XKR6: variants seen among roughly 807,000 people sequenced by gnomAD.
The protein encoded by XKR6 is XK related 6.
In XKR6, 22 loss-of-function variants were observed where a neutral mutation model predicts 56.7. That is an observed-to-expected ratio of 0.39 (90% CI 0.28 to 0.55). XKR6 has a LOEUF of 0.55. Ranked by LOEUF, XKR6 falls within the 20% of genes least tolerant of loss-of-function variation. The pLI is 0.66. For synonymous variants in XKR6, 524 were observed against 387.8 expected, an observed-to-expected ratio of 1.35 and a Z score of -4.13; for missense variants, 852 against 889.0, an observed-to-expected ratio of 0.96 and a Z score of 0.53.
chr8:10,929,984 G>T (rs763490908), intron 1 of XKR6, among the ~76,000 whole-genome samples: 1 of 152,174 alleles, frequency 6.6e-6, no homozygotes, highest in African/African-American at 2.4e-5. Flanking sequence ...AGGGAGACAC[G>T]GTTGTCATCT....
At chr8:10,955,747 C>A (rs147140740) in intron 1 of XKR6, among the ~76,000 whole-genome samples, 326 of 152,314 alleles carry the variant, frequency 2.1e-3, no homozygotes, top group Non-Finnish European at 3.0e-3. Flanking sequence ...TGAGTCTCCC[C>A]TTTCTAGAGA....
At chr8:11,013,758 G>T (rs1459468400) in intron 1 of XKR6, among the ~76,000 whole-genome samples, 1 of 152,150 alleles carries the variant, frequency 6.6e-6, no homozygotes, top group African/African-American at 2.4e-5. Flanking sequence ...CCCATGTTTG[G>T]CAGAATGAAT....
chr8:11,194,047 A>C (rs1006439358), intron 1 of XKR6, among the ~76,000 whole-genome samples: 1 of 152,242 alleles, frequency 6.6e-6, no homozygotes, highest in Non-Finnish European at 1.5e-5. Flanking sequence ...GAATTTGTTT[A>C]ATAAGTCAAA....
Position 11,176,771 on chromosome 8 carries a change from C to G in XKR6, c.764+23805G>C, listed in dbSNP as rs117930875. ...TCTTCCTCAAAGAAAACCCCCACCC[C>G]GCAAAGCCACCAAATCCAAGCAGGA... On this transcript the variant is annotated intron_variant, in intron 1 of 2. Coordinates refer to ENST00000416569, the MANE Select transcript of XKR6 (RefSeq NM_173683.4). Among the ~76,000 whole-genome samples, 1,028 of 152,126 alleles carry G rather than the reference C, an allele frequency of 6.8e-3. 10 individuals are homozygous for G. Among genetic ancestry groups the G allele is most frequent in the Non-Finnish European group, 9.4e-3 (638 of 68,010 alleles).
chr8:11,018,539 G>A (rs930731838), intron 1 of XKR6, among the ~76,000 whole-genome samples: 4 of 152,180 alleles, frequency 2.6e-5, no homozygotes, highest in Non-Finnish European at 5.9e-5. Flanking sequence ...GAAGGCAAGA[G>A]CTGAAAACTA....
chr8:11,050,808 TG>T (rs1489496918), intron 1 of XKR6, among the ~76,000 whole-genome samples: 1 of 152,082 alleles, frequency 6.6e-6, no homozygotes, highest in Non-Finnish European at 1.5e-5. Flanking sequence ...CCAGAACCAT[TG>T]GCCCCATTCC....
intron 1 of XKR6, among the ~76,000 whole-genome samples, chr8:11,042,075 A>G (rs537037090): frequency 2.4e-4 from 36 of 152,220 alleles, no homozygotes; most frequent in Admixed American, 1.2e-3. Context: ...GCAAGTACAC[A>G]TGCACCTGTC....
intron 2 of XKR6, among the ~76,000 whole-genome samples, chr8:10,912,835 TAG>T (rs918126103): frequency 1.4e-5 from 2 of 146,426 alleles, no homozygotes; most frequent in African/African-American, 5.1e-5. Context: ...TATATATATA[TAG>T]AGAGAGAAAG....
At chr8:11,112,648 TCAAA>T (rs1345669056) in intron 1 of XKR6, among the ~76,000 whole-genome samples, 3 of 152,168 alleles carry the variant, frequency 2.0e-5, no homozygotes, top group Admixed American at 6.5e-5. Context: ...GGAGATATGG[TCAAA>T]CAAAGAACCA....
chr8:10,993,288 C>A (rs543982278), intron 1 of XKR6, among the ~76,000 whole-genome samples: 1 of 152,324 alleles, frequency 6.6e-6, no homozygotes, highest in Non-Finnish European at 1.5e-5. Context: ...CAGCACCTAC[C>A]ACTTGCAGCA....
intron 1 of XKR6, chr8:11,195,338 C>T (rs1430628745): frequency 6.8e-6 from 4 of 592,224 alleles, no homozygotes; most frequent in Non-Finnish European, 1.2e-5. Context: ...TTTTTTTTTC[C>T]AAATGGATAG....
At chr8:11,178,513 C>T (rs1434783442) in intron 1 of XKR6, among the ~76,000 whole-genome samples, 1 of 140,558 alleles carries the variant, frequency 7.1e-6, no homozygotes, top group Non-Finnish European at 1.5e-5. Flanking sequence ...TAAAACCACA[C>T]CAAATTTTTA....
intron 1 of XKR6, among the ~76,000 whole-genome samples, chr8:11,136,710 G>C (rs1800421684): frequency 6.6e-6 from 1 of 152,096 alleles, no homozygotes; most frequent in Non-Finnish European, 1.5e-5. Flanking sequence ...CAACCAGGAA[G>C]AGGTCTTCAC....
intron 1 of XKR6, among the ~76,000 whole-genome samples, chr8:10,996,925 C>T (rs1798126565): frequency 6.6e-6 from 1 of 152,094 alleles, no homozygotes; most frequent in African/African-American, 2.4e-5. Context: ...GCTATGATGG[C>T]TCCACTGCAC....
intron 1 of XKR6, among the ~76,000 whole-genome samples, chr8:11,110,375 G>A (rs1029209254): frequency 6.6e-6 from 1 of 152,162 alleles, no homozygotes; most frequent in Non-Finnish European, 1.5e-5. Context: ...GGGTATTGGG[G>A]TAGACTATTC....
intron 1 of XKR6, among the ~76,000 whole-genome samples, chr8:11,143,192 C>G (rs186401920): frequency 6.6e-6 from 1 of 151,846 alleles, no homozygotes; most frequent in East Asian, 1.9e-4. Flanking sequence ...AAAAAAGAAA[C>G]AAAGAAAGAA....
chr8:11,185,112 TGTGA>T (rs911577730), intron 1 of XKR6, among the ~76,000 whole-genome samples: 2 of 152,052 alleles, frequency 1.3e-5, no homozygotes, highest in Non-Finnish European at 2.9e-5. Flanking sequence ...TGGGTGCGGG[TGTGA>T]GTGTGAGTGT....
chr8:11,171,572 G>C (rs1272715588), intron 1 of XKR6, among the ~76,000 whole-genome samples: 1 of 152,136 alleles, frequency 6.6e-6, no homozygotes, highest in Non-Finnish European at 1.5e-5. Context: ...TTGTTAAAAG[G>C]AGCCTAGCCC....
chr8:10,927,460 T>G (rs1586315414), intron 1 of XKR6, among the ~76,000 whole-genome samples: 1 of 152,138 alleles, frequency 6.6e-6, no homozygotes, highest in South Asian at 2.1e-4. Flanking sequence ...TCAGGGGTAC[T>G]CAGACTACAG....
Sources: allele counts gnomAD v4.1 joint callset (sites outside exome capture counted in the v4.1 genomes callset), GRCh38; gene constraint gnomAD v4.1.1; transcripts MANE v1.5; gene names NCBI Gene and HGNC (gene_info 2026-07-23, HGNC 2026-07-21).